TANC1: variants seen among roughly 807,000 people sequenced by gnomAD.
TANC1 encodes the protein tetratricopeptide repeat, ankyrin repeat and coiled-coil containing 1.
In TANC1, 77 loss-of-function variants were observed where a neutral mutation model predicts 149.7. That is an observed-to-expected ratio of 0.51 (90% confidence interval 0.43 to 0.62). The LOEUF is 0.62. Among genes scored for constraint, TANC1 ranks in the 20% least tolerant of loss-of-function variants. TANC1 has a pLI of 0.00. For missense variants in TANC1, 1,985 were observed against 2,321.8 expected (o/e 0.85, Z 2.98); for synonymous variants, 854 against 925.0 (o/e 0.92, Z 1.39).
At chr2:159,156,419 T>C (rs189604288) in intron 7 of TANC1, among the ~76,000 whole-genome samples, 1 of 152,344 alleles carries the variant, frequency 6.6e-6, no homozygotes, top group East Asian at 1.9e-4. Context: ...CAGACTGTAG[T>C]TGGATTCTTC....
At chr2:159,051,651 T>TTGTGTGTG (rs58015346) in intron 2 of TANC1, among the ~76,000 whole-genome samples, 5,841 of 142,864 alleles carry the variant, frequency 0.041, 155 homozygotes, top group Non-Finnish European at 0.057. Flanking sequence ...GAAGTGGTGT[T>TTGTGTGTG]TGTGTGTGTG....
chr2:158,998,934 C>G (rs1271790121), intron 1 of TANC1, among the ~76,000 whole-genome samples: 4 of 152,146 alleles, frequency 2.6e-5, no homozygotes, highest in African/African-American at 9.7e-5. Context: ...CTGATCAGCT[C>G]ATCAATCAGG....
intron 2 of TANC1, among the ~76,000 whole-genome samples, chr2:159,057,846 G>A (rs2041966380): frequency 6.6e-6 from 1 of 152,076 alleles, no homozygotes; most frequent in African/African-American, 2.4e-5. Context: ...GAAGTGGGTG[G>A]GCTTATGAAA....
chr2:159,114,303 A>G (rs2048027065), intron 4 of TANC1, among the ~76,000 whole-genome samples: 2 of 152,214 alleles, frequency 1.3e-5, no homozygotes, highest in South Asian at 4.1e-4. Context: ...TGAGTCCCAT[A>G]AGATTGTCAG....
chr2:159,084,041 G>C (rs779347557), intron 3 of TANC1, among the ~76,000 whole-genome samples: 32 of 152,198 alleles, frequency 2.1e-4, no homozygotes, highest in Non-Finnish European at 3.7e-4. Context: ...CATGAGGTCA[G>C]GAGTTCGAGA....
chr2:159,203,609 A>G (rs949985679), intron 19 of TANC1, among the ~76,000 whole-genome samples: 4 of 151,990 alleles, frequency 2.6e-5, no homozygotes, highest in Non-Finnish European at 5.9e-5. Flanking sequence ...TCTGTCACCC[A>G]TGTTGGAGTG....
rs113015789 is a variant in TANC1 at position 159,225,741 on chromosome 2, T to C, written c.3865T>C (p.Leu1289=). ...TSKPDILIIL[L]QKLMEEGNVM... is the part of the protein sequence containing the mutation. ...CAAACCTGATATCTTGATTATACTT[T>C]TACAGAAATTAATGGAGGAAGGAAA... Residue 1289 remains leucine (L), a synonymous_variant, in exon 24 of 27, where the codon TTA becomes CTA. Transcript: ENST00000263635. 76 of 1,614,032 alleles carry C rather than the reference T, an allele frequency of 4.7e-5. No homozygotes were observed. Among genetic ancestry groups the C allele is most frequent in the Non-Finnish European group, 6.2e-5 (73 of 1,179,990 alleles).
intron 1 of TANC1, among the ~76,000 whole-genome samples, chr2:158,977,567 T>A (rs1374326479): frequency 2.0e-5 from 3 of 151,828 alleles, no homozygotes; most frequent in Non-Finnish European, 4.4e-5. Context: ...CGCCTCGGCC[T>A]CCCAAAGTGC....
chr2:158,974,470 G>C (rs2033369081), intron 1 of TANC1, among the ~76,000 whole-genome samples: 1 of 152,140 alleles, frequency 6.6e-6, no homozygotes, highest in Non-Finnish European at 1.5e-5. Context: ...GTCTCACTCT[G>C]TTACCCAGGC....
In TANC1 at chr2:159,122,455, T is replaced by A. The variant is rs539149209; in HGVS notation, c.260-13739T>A. ...AAAAAAAAAATTTAATGTGTTTTTT[T>A]AAAATTAACATAGAGCAAAAATGAA... On this transcript the variant is annotated intron_variant, in intron 4 of 26. Transcript: ENST00000263635. Among the ~76,000 whole-genome samples the A allele has an allele frequency of 9.2e-5, 14 of 152,326 alleles. No homozygotes were observed. In the South Asian group the frequency reaches 1.5e-3, roughly 16 times the overall value.
chr2:158,997,339 G>A (rs2036225542), intron 1 of TANC1, among the ~76,000 whole-genome samples: 2 of 152,162 alleles, frequency 1.3e-5, no homozygotes, highest in African/African-American at 4.8e-5. Flanking sequence ...CGAACCTTGT[G>A]GGACTGTATT....
In TANC1 at chr2:159,019,657, T is replaced by G. The variant is rs1478054669; in HGVS notation, c.-16+18468T>G. ...ACTGCAGCTTGCTTTCTTTCTGTTTTTTTTTTTTTTTTTTTTTTTTTTTTT... is the reference window on the plus strand; with the variant it reads ...ACTGCAGCTTGCTTTCTTTCTGTTTGTTTTTTTTTTTTTTTTTTTTTTTTT... On this transcript the variant is annotated intron_variant, in intron 2 of 26. Transcript: ENST00000263635. Among the ~76,000 whole-genome samples the G allele has an allele frequency of 1.3e-4, 3 of 23,836 alleles. No individual in the cohort carries two copies. In the East Asian group the frequency reaches 8.7e-3, roughly 69 times the overall value. 15.6% of individuals were successfully genotyped at this position (23,836 alleles called of 152,430 possible).
intron 2 of TANC1, among the ~76,000 whole-genome samples, chr2:159,004,874 A>G (rs2036994649): frequency 6.6e-6 from 1 of 152,202 alleles, no homozygotes; most frequent in African/African-American, 2.4e-5. Context: ...CACAGCCTTC[A>G]GAGCTGAGAG....
intron 3 of TANC1, among the ~76,000 whole-genome samples, chr2:159,077,432 C>T (rs190348091): frequency 8.5e-5 from 13 of 152,300 alleles, no homozygotes; most frequent in Admixed American, 5.2e-4. Flanking sequence ...TTCTTCTCTG[C>T]TTCTCTTTTC....
intron 3 of TANC1, among the ~76,000 whole-genome samples, chr2:159,068,112 ATT>A (rs2042822923): frequency 6.6e-6 from 1 of 152,220 alleles, no homozygotes; most frequent in Admixed American, 6.5e-5. Flanking sequence ...ACCTGGTTGT[ATT>A]AGGCTAGCAA....
intron 3 of TANC1, among the ~76,000 whole-genome samples, chr2:159,090,914 G>A (rs952119875): frequency 1.3e-5 from 2 of 152,198 alleles, no homozygotes; most frequent in Admixed American, 6.5e-5. Flanking sequence ...GTGACTGAGA[G>A]AAGATTAATG....
intron 2 of TANC1, among the ~76,000 whole-genome samples, chr2:159,039,545 C>T (rs563341810): frequency 3.2e-4 from 48 of 152,210 alleles, no homozygotes; most frequent in African/African-American, 1.0e-3. Context: ...GACTCTGGTA[C>T]GTTGTGTCTT....
chr2:159,026,984 C>CA lies in TANC1; in HGVS notation c.-16+25795_-16+25796insA, dbSNP rs1457332062. 8.5e-5 allele frequency: 13 copies of CA among 152,184 alleles called. No homozygotes were observed. The East Asian group carries it at 2.5e-3, about 29-fold the overall frequency. 9.4% of individuals were successfully genotyped at this position (152,184 alleles called of 1,614,324 possible). On this transcript the variant is annotated intron_variant, in intron 2 of 26. Coordinates refer to ENST00000263635, the MANE Select transcript of TANC1 (RefSeq NM_033394.3). Reference sequence around the variant, plus strand: ...ATCTCCTTAACAAATGATCACCTACCCACAGCCTTGGTTTCCTCTCCTGAA... The same window carrying CA: ...ATCTCCTTAACAAATGATCACCTACCACACAGCCTTGGTTTCCTCTCCTGAA...
At chr2:159,117,718 TTTTTTTTTTTTTTA>T (rs1314825305) in intron 4 of TANC1, among the ~76,000 whole-genome samples, 1 of 149,080 alleles carries the variant, frequency 6.7e-6, no homozygotes. Flanking sequence ...TTTTTTTTTT[TTTTTTTTTTTTTTA>T]AAGCTTATTC....
Sources: allele counts gnomAD v4.1 joint callset (sites outside exome capture counted in the v4.1 genomes callset), GRCh38; gene constraint gnomAD v4.1.1; transcripts MANE v1.5; gene names NCBI Gene and HGNC (gene_info 2026-07-23, HGNC 2026-07-21).